SIAE: variants seen among roughly 807,000 people sequenced by gnomAD.
The protein encoded by SIAE is sialate O-acetylesterase.
In SIAE, 39 loss-of-function variants were observed where a neutral mutation model predicts 52.6. That is an observed-to-expected ratio of 0.74 (90% CI 0.57 to 0.97). The LOEUF (loss-of-function observed/expected upper bound fraction) is 0.97. Ranked by LOEUF, SIAE falls within the 50% of genes least tolerant of loss-of-function variation. SIAE has a pLI of 0.00. For missense variants in SIAE, 592 were observed against 662.1 expected (o/e 0.89, Z 1.16); for synonymous variants, 233 against 241.4 (o/e 0.97, Z 0.32).
chr11:124,650,271 A>G (rs1030171820), intron 4 of SIAE, among the ~76,000 whole-genome samples: 1 of 152,122 alleles, frequency 6.6e-6, no homozygotes, highest in Non-Finnish European at 1.5e-5. Flanking sequence ...CAGGATCTGC[A>G]GACTCTCGGA....
Position 124,660,734 on chromosome 11 carries a change from T to A in SIAE, c.299A>T (p.Gln100Leu). The change falls in exon 3 of 10, where the codon CAA becomes CTA. Residue 100 changes from glutamine to leucine, a missense_variant. Coordinates refer to ENST00000263593, the MANE Select transcript of SIAE (RefSeq NM_170601.5). ...KPGGPFEVMAQQTLEKINFTL... is the reference protein window; with the variant it reads ...KPGGPFEVMALQTLEKINFTL... ...GAAGTTTATTTTCTCCAAAGTCTGTTGTGCCATCACTTCGAAAGGTCCTCC... is the reference window on the plus strand; with the variant it reads ...GAAGTTTATTTTCTCCAAAGTCTGTAGTGCCATCACTTCGAAAGGTCCTCC... 1 of 1,614,228 alleles carries A rather than the reference T, an allele frequency of 6.2e-7. No individual in the cohort carries two copies. Among genetic ancestry groups the A allele is most frequent in the Non-Finnish European group, 8.5e-7 (1 of 1,180,044 alleles).
intron 4 of SIAE, among the ~76,000 whole-genome samples, chr11:124,650,736 G>T (rs1467337329): frequency 6.6e-6 from 1 of 152,028 alleles, no homozygotes; most frequent in East Asian, 1.9e-4. Flanking sequence ...TCGTGCCATT[G>T]CACACCAGCC....
At chr11:124,658,448 C>A (rs982127812) in intron 3 of SIAE, among the ~76,000 whole-genome samples, 4 of 151,442 alleles carry the variant, frequency 2.6e-5, no homozygotes, top group African/African-American at 7.3e-5. Flanking sequence ...CTTAATTTCT[C>A]TATTTGTAAA....
At chr11:124,674,190 T>A (rs1185707090), upstream of SIAE, 1 of 166,480 alleles carries the variant, frequency 6.0e-6, no homozygotes, top group Non-Finnish European at 1.3e-5. Flanking sequence ...TCGCCAGCTC[T>A]TTTCACCACT....
intron 7 of SIAE, 142 bp from the exon 8 acceptor site, chr11:124,640,009 G>T: frequency 9.6e-7 from 1 of 1,040,332 alleles, no homozygotes; most frequent in Admixed American, 1.9e-5. Context: ...TACTGTTGTG[G>T]CAGTGTCTCT....
intron 3 of SIAE, among the ~76,000 whole-genome samples, chr11:124,658,451 T>C (rs1430954639): frequency 6.6e-6 from 1 of 152,142 alleles, no homozygotes; most frequent in Middle Eastern, 3.2e-3. Flanking sequence ...AATTTCTCTA[T>C]TTGTAAAGTA....
At chr11:124,638,971 A>C (rs1942799241) in intron 8 of SIAE, among the ~76,000 whole-genome samples, 1 of 152,124 alleles carries the variant, frequency 6.6e-6, no homozygotes, top group Non-Finnish European at 1.5e-5. Context: ...GAAGGAAGGA[A>C]TAAAGGGCAG....
intron 2 of SIAE, among the ~76,000 whole-genome samples, chr11:124,665,321 T>C (rs1943257006): frequency 6.6e-6 from 1 of 152,210 alleles, no homozygotes; most frequent in Admixed American, 6.5e-5. Context: ...TTAATAAAAA[T>C]TGAGATTTTC....
At position 124,638,739 on chromosome 11, in the gene SIAE, T is replaced by G. The variant is rs531523609; in HGVS notation, c.1125-2A>C. On this transcript the variant is annotated splice_acceptor_variant, in intron 8 of 9. Transcript: ENST00000263593. LOFTEE classifies it high-confidence loss of function. The stretch of plus-strand genomic sequence containing the variant: ...GTCTGTTTATCTCGAGGGTGGATGC[T>G]ACAGGATAAGGAACAAGTAGAGAAC... 1.3e-5 allele frequency: 21 copies of G among 1,613,636 alleles called. No individual in the cohort carries two copies. The East Asian group carries it at 4.5e-4, about 34-fold the overall frequency.
upstream of SIAE, chr11:124,675,910 A>G (rs1047330692): frequency 6.5e-6 from 1 of 153,368 alleles, no homozygotes; most frequent in African/African-American, 2.4e-5. Context: ...TCACTGGGGT[A>G]TATGAAACTG....
rs751103679 is a variant in SIAE at position 124,636,662 on chromosome 11, A to G, written c.*289T>C. 9.9e-5 allele frequency: 44 copies of G among 444,316 alleles called. No homozygotes were observed. The highest frequency in any genetic ancestry group is 1.8e-4 in the Non-Finnish European group (43 of 241,058). The allele number at this position is 444,316 out of a possible 1,614,324, so 27.5% of individuals were successfully genotyped here. A position where few individuals can be genotyped will look rare whatever the true frequency, so the allele number is the denominator to read the frequency against. The stretch of plus-strand genomic sequence containing the variant: ...AAGGGGCAAAAGTATTAGACATTTC[A>G]CTCCCATTAATATGAGGGAAGTAAA... On this transcript the variant is annotated 3_prime_UTR_variant, in exon 10 of 10. Coordinates refer to ENST00000263593, the MANE Select transcript of SIAE (RefSeq NM_170601.5).
chr11:124,640,925 C>G (rs1346683372), intron 7 of SIAE, among the ~76,000 whole-genome samples: 1 of 152,202 alleles, frequency 6.6e-6, no homozygotes, highest in Non-Finnish European at 1.5e-5. Flanking sequence ...TGCTGACCCA[C>G]AGAGGTCTGA....
chr11:124,648,870 C>G (rs1565411559), intron 5 of SIAE, among the ~76,000 whole-genome samples: 1 of 152,174 alleles, frequency 6.6e-6, no homozygotes, highest in South Asian at 2.1e-4. Context: ...TTCACTCCCC[C>G]ACAGGCAAGC....
rs1942702276 is a variant in SIAE at position 124,635,295 on chromosome 11, A to C, written c.*1656T>G. 2 of 152,206 alleles carry C rather than the reference A, an allele frequency of 1.3e-5. No individual in the cohort carries two copies. Among genetic ancestry groups the C allele is most frequent in the Non-Finnish European group, 2.9e-5 (2 of 68,034 alleles). The allele number at this position is 152,206 out of a possible 1,614,324, so 9.4% of individuals were successfully genotyped here. A position where few individuals can be genotyped will look rare whatever the true frequency, so the allele number is the denominator to read the frequency against. Reference sequence around the variant, plus strand: ...AAGCATGGGCAATAGGGGTTAACTGAACGAGTTGAATGCTAGGAAGTCCTC... The same window carrying C: ...AAGCATGGGCAATAGGGGTTAACTGCACGAGTTGAATGCTAGGAAGTCCTC... On this transcript the variant is annotated 3_prime_UTR_variant, in exon 10 of 10. Transcript: ENST00000263593.
intron 1 of SIAE, among the ~76,000 whole-genome samples, chr11:124,672,845 T>G (rs572997609): frequency 3.9e-5 from 6 of 152,326 alleles, no homozygotes; most frequent in Admixed American, 2.6e-4. Flanking sequence ...ACCCCAACTA[T>G]CATTTCTTAA....
intron 4 of SIAE, chr11:124,654,358 T>C (rs547913652): frequency 4.1e-6 from 4 of 985,020 alleles, no homozygotes; most frequent in Non-Finnish European, 3.6e-6. Flanking sequence ...AAGAGAGGAT[T>C]TGGAGTGAAG....
intron 7 of SIAE, among the ~76,000 whole-genome samples, chr11:124,644,272 A>T (rs1942893953): frequency 1.3e-5 from 2 of 151,644 alleles, no homozygotes; most frequent in Non-Finnish European, 2.9e-5. Flanking sequence ...CACACCCAGA[A>T]GACAAAGTGG....
chr11:124,648,072 A>G lies in SIAE; in HGVS notation c.826T>C (p.Tyr276His), dbSNP rs371809656. 6.2e-7 allele frequency: 1 copy of G among 1,611,652 alleles called. No homozygotes were observed. Among genetic ancestry groups the G allele is most frequent in the Non-Finnish European group, 8.5e-7 (1 of 1,177,768 alleles). ...GAGTACACTGAACACTTACCCTGGTACCATACTACCCCTTTCAGAGTCATA... is the reference window on the plus strand; with the variant it reads ...GAGTACACTGAACACTTACCCTGGTGCCATACTACCCCTTTCAGAGTCATA... ...CNMTLKGVVW[Y>H]QGESNINYNT... The change falls in exon 6 of 10, where the codon TAC becomes CAC. Residue 276 changes from tyrosine (Y) to histidine (H), a missense_variant. By Grantham distance (83) the Tyr-to-His change is moderately conservative. Coordinates refer to ENST00000263593, the MANE Select transcript of SIAE (RefSeq NM_170601.5).
In SIAE at chr11:124,636,528, G is replaced by C. The variant is rs1317767593; in HGVS notation, c.*423C>G. 3.7e-6 allele frequency: 1 copy of C among 267,086 alleles called. No homozygotes were observed. The highest frequency in any genetic ancestry group is 2.2e-5 in the African/African-American group (1 of 45,198). 16.5% of individuals were successfully genotyped at this position (267,086 alleles called of 1,614,324 possible). ...TCGGAAGCTAAGCAGGGTCGGGCCT[G>C]GTTAGTACTTGGATGGGAGAAATTT... On this transcript the variant is annotated 3_prime_UTR_variant, in exon 10 of 10. Coordinates refer to ENST00000263593, the MANE Select transcript of SIAE (RefSeq NM_170601.5).
Sources: gnomAD v4.1 joint callset for allele counts (sites outside exome capture counted in the v4.1 genomes callset) on GRCh38, gnomAD v4.1.1 for gene constraint, MANE v1.5 for transcripts, NCBI Gene and HGNC (gene_info 2026-07-23, HGNC 2026-07-21) for gene names.